ASIC2: variants seen among roughly 807,000 people sequenced by gnomAD.
ASIC2 encodes the protein acid sensing ion channel subunit 2, also known as acid-sensing ion channel 2.
In ASIC2, 25 loss-of-function variants were observed where a neutral mutation model predicts 57.3. The observed-to-expected ratio is 0.44, with a 90% CI of 0.32 to 0.61. The LOEUF (loss-of-function observed/expected upper bound fraction) is 0.61, where lower values mean the gene tolerates loss of function less well. ASIC2 is among the 20% of genes least tolerant of loss of function. The pLI is 0.06. For synonymous variants in ASIC2, 319 were observed against 307.5 expected (o/e 1.04, Z -0.39); for missense variants, 641 against 738.1 (o/e 0.87, Z 1.52).
intron 3 of ASIC2, among the ~76,000 whole-genome samples, chr17:33,048,705 C>G (rs1160609): frequency 2.6e-5 from 4 of 151,814 alleles, no homozygotes; most frequent in Non-Finnish European, 2.9e-5. Flanking sequence ...GTTTCCCTAG[C>G]ACTCCCTGGA....
chr17:33,392,820 C>T (rs994267955), intron 1 of ASIC2, among the ~76,000 whole-genome samples: 14 of 152,126 alleles, frequency 9.2e-5, no homozygotes, highest in African/African-American at 3.1e-4. Flanking sequence ...TTCCTCTGAA[C>T]GCTATACTTT....
chr17:33,448,861 G>T (rs907275278), intron 1 of ASIC2, among the ~76,000 whole-genome samples: 1 of 152,202 alleles, frequency 6.6e-6, no homozygotes, highest in Non-Finnish European at 1.5e-5. Context: ...GCGATAAATG[G>T]TTATTGAATG....
intron 1 of ASIC2, among the ~76,000 whole-genome samples, chr17:33,918,854 C>A (rs1915646668): frequency 6.6e-6 from 1 of 152,206 alleles, no homozygotes; most frequent in South Asian, 2.1e-4. Flanking sequence ...GTACATGAGT[C>A]ATGCATGCGG....
intron 1 of ASIC2, among the ~76,000 whole-genome samples, chr17:33,305,948 GTTA>G (rs901025283): frequency 3.2e-4 from 48 of 152,114 alleles, no homozygotes; most frequent in African/African-American, 1.1e-3. Context: ...TGAGCAAACA[GTTA>G]TTATTCGATA....
At chr17:33,950,180 C>T (rs926926451) in intron 1 of ASIC2, among the ~76,000 whole-genome samples, 2 of 152,196 alleles carry the variant, frequency 1.3e-5, no homozygotes, top group Admixed American at 6.5e-5. Context: ...GCTTTTGCTG[C>T]GTGGCCTTCC....
intron 1 of ASIC2, among the ~76,000 whole-genome samples, chr17:34,069,134 A>C (rs1909285041): frequency 6.6e-6 from 1 of 151,956 alleles, no homozygotes; most frequent in Non-Finnish European, 1.5e-5. Context: ...GAGTATTTAC[A>C]CTGCAGAAGC....
chr17:33,682,712 T>C (rs1908049285), intron 1 of ASIC2, among the ~76,000 whole-genome samples: 1 of 152,024 alleles, frequency 6.6e-6, no homozygotes, highest in Admixed American at 6.6e-5. Context: ...AAGTATGCCT[T>C]GCTTGGGATA....
intron 1 of ASIC2, among the ~76,000 whole-genome samples, chr17:33,192,832 AAAT>A (rs1374027577): frequency 1.3e-5 from 2 of 152,256 alleles, no homozygotes; most frequent in Non-Finnish European, 2.9e-5. Flanking sequence ...ACATTTTCTT[AAAT>A]AATAAAGCTG....
At chr17:34,145,388 T>C (rs1198771972) in intron 1 of ASIC2, among the ~76,000 whole-genome samples, 1 of 152,184 alleles carries the variant, frequency 6.6e-6, no homozygotes, top group Admixed American at 6.5e-5. Flanking sequence ...ACCCCAACTA[T>C]CTGTGCAGGA....
chr17:33,545,304 C>T (rs1915543618), intron 1 of ASIC2, among the ~76,000 whole-genome samples: 1 of 152,098 alleles, frequency 6.6e-6, no homozygotes, highest in Admixed American at 6.6e-5. Context: ...GGCTGTGAGA[C>T]CCAGTCCACA....
intron 1 of ASIC2, among the ~76,000 whole-genome samples, chr17:33,197,604 C>G (rs1364503019): frequency 2.6e-5 from 4 of 152,232 alleles, no homozygotes; most frequent in Non-Finnish European, 4.4e-5. Context: ...TGAATGCACC[C>G]TCTCCTCCCA....
intron 1 of ASIC2, chr17:33,834,485 A>G (rs1227884092): frequency 6.6e-6 from 1 of 152,230 alleles, no homozygotes; most frequent in Non-Finnish European, 1.5e-5. Flanking sequence ...GTGAATCACG[A>G]CAGATACCAG....
chr17:33,912,196 C>A lies in ASIC2; in HGVS notation c.555+243782G>T, dbSNP rs535538133. ...CACTATGTCCTAATAAACTAATAAA[C>A]TTTATAGGTGATTCTGGCAGGATGT... On this transcript the variant is annotated intron_variant, in intron 1 of 9. Transcript: ENST00000359872. Among the ~76,000 whole-genome samples, 4 of 134,502 alleles carry A rather than the reference C, an allele frequency of 3.0e-5. No homozygotes were observed. In the East Asian group the frequency reaches 1.0e-3, roughly 34 times the overall value. The allele number at this position is 134,502 out of a possible 152,430, so 88.2% of individuals were successfully genotyped here. A position where few individuals can be genotyped will look rare whatever the true frequency, so the allele number is the denominator to read the frequency against.
intron 1 of ASIC2, among the ~76,000 whole-genome samples, chr17:34,033,430 C>A (rs1364554742): frequency 6.6e-6 from 1 of 152,118 alleles, no homozygotes; most frequent in Non-Finnish European, 1.5e-5. Context: ...ATAAAATTGA[C>A]ATCCTAACAC....
chr17:33,736,262 C>T (rs1429304162), intron 1 of ASIC2, among the ~76,000 whole-genome samples: 7 of 151,892 alleles, frequency 4.6e-5, no homozygotes, highest in Non-Finnish European at 1.0e-4. Context: ...CCTGCCATTG[C>T]TGAGGAAAGT....
chr17:33,774,771 G>A (rs1166997696), intron 1 of ASIC2, among the ~76,000 whole-genome samples: 1 of 152,190 alleles, frequency 6.6e-6, no homozygotes, highest in Non-Finnish European at 1.5e-5. Flanking sequence ...TGAATATTGT[G>A]CAGGAAACCA....
At chr17:33,632,508 C>T (rs957467560) in intron 1 of ASIC2, among the ~76,000 whole-genome samples, 4 of 152,102 alleles carry the variant, frequency 2.6e-5, no homozygotes, top group Non-Finnish European at 4.4e-5. Context: ...TCCACCCCTA[C>T]CCCCAACCCT....
intron 1 of ASIC2, among the ~76,000 whole-genome samples, chr17:33,233,844 C>T (rs534573715): frequency 7.9e-5 from 12 of 152,174 alleles, no homozygotes; most frequent in Non-Finnish European, 1.6e-4. Context: ...TTTTATGAAG[C>T]AGATTGTCAA....
chr17:33,955,976 C>A (rs1904722208), intron 1 of ASIC2, among the ~76,000 whole-genome samples: 1 of 152,036 alleles, frequency 6.6e-6, no homozygotes, highest in African/African-American at 2.4e-5. Flanking sequence ...TCTTGAGTGG[C>A]CATTGACTGA....
Sources: gnomAD v4.1 joint callset for allele counts (sites outside exome capture counted in the v4.1 genomes callset) on GRCh38, gnomAD v4.1.1 for gene constraint, MANE v1.5 for transcripts, NCBI Gene and HGNC (gene_info 2026-07-23, HGNC 2026-07-21) for gene names.